The following TEKT4 variants were observed in gnomAD, a reference collection of about 807,000 sequenced individuals.
TEKT4 encodes tektin 4.
Under a neutral mutation model 46.0 loss-of-function variants are expected in TEKT4, and 46 were observed. The ratio of observed to expected loss-of-function variants is 1.00; its 90% CI spans 0.79 to 1.28. The LOEUF is 1.28. Among genes scored for constraint, TEKT4 ranks in the 50% most tolerant of loss-of-function variants. TEKT4 has a pLI of 0.00. For synonymous variants in TEKT4, 325 were observed against 265.8 expected (o/e 1.22, Z -2.17); for missense variants, 790 against 622.9 (o/e 1.27, Z -2.85).
chr2:94,875,976 G>A (rs183644255), intron 5 of TEKT4, among the ~76,000 whole-genome samples: 74 of 152,262 alleles, frequency 4.9e-4, no homozygotes, highest in African/African-American at 1.7e-3. Context: ...CTGTGCCCAC[G>A]TGGTCTCACC....
chr2:94,871,542 A>C lies in TEKT4; in HGVS notation c.-38A>C. On this transcript the variant is annotated 5_prime_UTR_variant, in exon 1 of 6. Coordinates refer to ENST00000295201, the MANE Select transcript of TEKT4 (RefSeq NM_144705.4). ...TGACCGCAACCGGCTGACCACACAC[A>C]GTCCTCACTCCCCTGGCCCTGGTGG... The C allele has an allele frequency of 1.3e-6, 2 of 1,540,606 alleles. No individual in the cohort carries two copies. The highest frequency in any genetic ancestry group is 8.7e-7 in the Non-Finnish European group (1 of 1,143,892).
rs1680555305 is a variant in TEKT4 at position 94,871,508 on chromosome 2, G to A, written c.-72G>A. 34 of 1,477,908 alleles carry A rather than the reference G, an allele frequency of 2.3e-5. No individual in the cohort carries two copies. The highest frequency in any genetic ancestry group is 9.7e-5 in the South Asian group (7 of 71,846). The allele number at this position is 1,477,908 out of a possible 1,614,324, so 91.5% of individuals were successfully genotyped here. On this transcript the variant is annotated 5_prime_UTR_variant, in exon 1 of 6. Coordinates refer to ENST00000295201, the MANE Select transcript of TEKT4 (RefSeq NM_144705.4). ...AGCCGTTGGAGCTGCCCCGCTGACCGCACTAGGCTGACCGCAACCGGCTGA... is the reference window on the plus strand; with the variant it reads ...AGCCGTTGGAGCTGCCCCGCTGACCACACTAGGCTGACCGCAACCGGCTGA...
intron 1 of TEKT4, 184 bp from the exon 2 acceptor site, chr2:94,873,336 C>G (rs1243288225): frequency 6.9e-7 from 1 of 1,449,110 alleles, no homozygotes; most frequent in Non-Finnish European, 9.1e-7. Flanking sequence ...TACAACGCAC[C>G]AAGGAGAATG....
At chr2:94,872,962 G>A (rs1553395120) in intron 1 of TEKT4, 69 of 1,289,296 alleles carry the variant, frequency 5.4e-5, no homozygotes, top group Middle Eastern at 2.1e-4. Flanking sequence ...CGCAGGACCC[G>A]GGCCCTGGCA....
At chr2:94,872,123 G>A in intron 1 of TEKT4, 46 bp downstream of exon 1, 1 of 1,466,412 alleles carries the variant, frequency 6.8e-7, no homozygotes, top group Non-Finnish European at 9.0e-7. Context: ...GCAGAGAGGA[G>A]GAGCCCCCCC....
At chr2:94,873,004 ACC>A in intron 1 of TEKT4, 1 of 1,289,298 alleles carries the variant, frequency 7.8e-7, no homozygotes, top group Non-Finnish European at 1.0e-6. Flanking sequence ...TGAGGCAAAG[ACC>A]CCAATCACAG....
chr2:94,873,677 C>G (rs1553395415), intron 2 of TEKT4, 87 bp downstream of exon 2: 3 of 1,548,924 alleles, frequency 1.9e-6, no homozygotes, highest in Middle Eastern at 1.8e-4. Context: ...GACCCTGAGA[C>G]TCAGAGCCAG....
Position 94,872,129 on chromosome 2 carries a change from C to T in TEKT4, c.498+52C>T, listed in dbSNP as rs1312058043. 103 of 1,472,772 alleles carry T rather than the reference C, an allele frequency of 7.0e-5. No homozygotes were observed. In the Admixed American group the frequency reaches 1.4e-3, roughly 20 times the overall value. The allele number at this position is 1,472,772 out of a possible 1,614,324, so 91.2% of individuals were successfully genotyped here. On this transcript the variant is annotated intron_variant, in intron 1 of 5. Coordinates refer to ENST00000295201, the MANE Select transcript of TEKT4 (RefSeq NM_144705.4). ...TTTGTGGGCGCAGAGAGGAGGAGCC[C>T]CCCCCCCCGCAGTTCATGTGGACAA...
At chr2:94,872,132 C>T (rs1680602314) in intron 1 of TEKT4, 55 bp downstream of exon 1, 3 of 1,475,784 alleles carry the variant, frequency 2.0e-6, no homozygotes, top group Non-Finnish European at 2.7e-6. Context: ...AGGAGCCCCC[C>T]CCCCCGCAGT....
rs782726858 is a variant in TEKT4, at chr2:94,876,726, G to A, written c.1265G>A (p.Arg422His). ...GACCGCCAGAAGTGCATGGCCCATC[G>A]TACTCGCTACCCCACCATCCTGCAG... ...FIDRQKCMAH[R>H]TRYPTILQLA... The change falls in exon 6 of 6, where the codon CGT (arginine) becomes CAT (histidine). Residue 422 changes from arginine to histidine, a missense_variant. Transcript: ENST00000295201. The A allele has an allele frequency of 1.1e-5, 18 of 1,610,918 alleles. No individual in the cohort carries two copies. Among genetic ancestry groups the A allele is most frequent in the East Asian group, 2.2e-5 (1 of 44,876 alleles).
chr2:94,872,989 G>A (rs1680646943), intron 1 of TEKT4: 1 of 1,289,506 alleles, frequency 7.8e-7, no homozygotes, highest in South Asian at 1.2e-5. Context: ...GAAGTACCCA[G>A]TGGTTGAGGC....
At chr2:94,873,720 G>A in intron 2 of TEKT4, 130 bp downstream of exon 2, 5 of 1,351,950 alleles carry the variant, frequency 3.7e-6, no homozygotes, top group Admixed American at 4.3e-5. Context: ...TGGAGCGCAG[G>A]ACTGGGTGGG....
rs200245037 is a variant in TEKT4 at position 94,874,828 on chromosome 2, G to A, written c.766G>A (p.Ala256Thr). Residue 256 changes from alanine (A) to threonine (T), a missense_variant, in exon 4 of 6, where the codon GCC (alanine) becomes ACC (threonine). Physicochemically the swap from Ala to Thr is moderately conservative, Grantham distance 58 (BLOSUM62 0). Coordinates refer to ENST00000295201, the MANE Select transcript of TEKT4 (RefSeq NM_144705.4). ...GTTCACGCAGGACAATCTGTGCCGT[G>A]CCCAGCGCGAGCGCCTGGCCTCGGC... ...AKFTQDNLCRAQRERLASANL... is the reference protein window; with the variant it reads ...AKFTQDNLCRTQRERLASANL... The A allele has an allele frequency of 5.6e-6, 9 of 1,605,186 alleles. No homozygotes were observed. Among genetic ancestry groups the A allele is most frequent in the Non-Finnish European group, 7.6e-6 (9 of 1,177,016 alleles).
chr2:94,873,885 G>C (rs1164238467), intron 2 of TEKT4, 80 bp from the exon 3 acceptor site: 19 of 1,569,792 alleles, frequency 1.2e-5, no homozygotes, highest in Non-Finnish European at 1.6e-5. Context: ...GCAGGCATTG[G>C]GGCCCAGCCT....
Position 94,871,567 on chromosome 2 carries a change from G to A in TEKT4, c.-13G>A. On this transcript the variant is annotated 5_prime_UTR_variant, in exon 1 of 6. Transcript: ENST00000295201. ...AGTCCTCACTCCCCTGGCCCTGGTGGGCGGCAGGCACCATGGCGCAGACAG... is the reference window on the plus strand; with the variant it reads ...AGTCCTCACTCCCCTGGCCCTGGTGAGCGGCAGGCACCATGGCGCAGACAG... 6.3e-7 allele frequency: 1 copy of A among 1,586,214 alleles called. No individual in the cohort carries two copies. Among genetic ancestry groups the A allele is most frequent in the Non-Finnish European group, 8.6e-7 (1 of 1,166,602 alleles).
At chr2:94,872,126 GCC>G (rs11483811) in intron 1 of TEKT4, 49 bp downstream of exon 1, 133 of 1,347,786 alleles carry the variant, frequency 9.9e-5, no homozygotes, top group African/African-American at 7.1e-4. Context: ...GAGAGGAGGA[GCC>G]CCCCCCCCCG....
intron 1 of TEKT4, chr2:94,872,798 CTTCT>C: frequency 7.8e-7 from 1 of 1,288,888 alleles, no homozygotes; most frequent in African/African-American, 1.5e-5. Context: ...TCCCTCCTCC[CTTCT>C]TTACCCTTCT....
In TEKT4 at chr2:94,874,067, C is replaced by A. The variant is rs370386064; in HGVS notation, c.672C>A (p.Thr224=). 1.2e-6 allele frequency: 2 copies of A among 1,613,630 alleles called. No individual in the cohort carries two copies. The highest frequency in any genetic ancestry group is 3.3e-5 in the Admixed American group (2 of 60,026). ...GCGGGCGCCACCACAGCCAGAGCAC[C>A]GAGGTGCAGGCTCATCCGTACTCCA... ...ETCGRHHSQS[T]EVQAHPYSTT... is the part of the protein sequence containing the mutation. Residue 224 remains threonine, a synonymous_variant, in exon 3 of 6, where the codon ACC becomes ACA. Transcript: ENST00000295201.
Position 94,874,055 on chromosome 2 carries a change from C to G in TEKT4, c.660C>G (p.His220Gln). The G allele has an allele frequency of 6.2e-7, 1 of 1,613,772 alleles. No homozygotes were observed. The highest frequency in any genetic ancestry group is 8.5e-7 in the Non-Finnish European group (1 of 1,179,968). The change falls in exon 3 of 6, where the codon CAC (histidine) becomes CAG (glutamine). Residue 220 changes from histidine (H) to glutamine (Q), a missense_variant. Transcript: ENST00000295201. ...YNIDETCGRH[H>Q]SQSTEVQAHP... ...TCGACGAGACCTGCGGGCGCCACCA[C>G]AGCCAGAGCACCGAGGTGCAGGCTC...
Sources: gnomAD v4.1 joint callset for allele counts (sites outside exome capture counted in the v4.1 genomes callset) on GRCh38, gnomAD v4.1.1 for gene constraint, MANE v1.5 for transcripts, NCBI Gene and HGNC (gene_info 2026-07-23, HGNC 2026-07-21) for gene names.